The following LIN7A variants were observed in gnomAD, a reference collection of about 807,000 sequenced individuals.
LIN7A encodes the protein protein lin-7 homolog A.
LIN7A carries 25 observed loss-of-function variants against 29.8 expected under a neutral mutation model. The ratio of observed to expected loss-of-function variants is 0.84; its 90% confidence interval spans 0.61 to 1.17. LIN7A has a LOEUF of 1.17. Ranked by LOEUF, LIN7A falls within the 50% of genes most tolerant of loss-of-function variation. The pLI is 0.00. For missense variants in LIN7A, 239 were observed against 287.0 expected (o/e 0.83, Z 1.21); for synonymous variants, 118 against 107.5 (o/e 1.10, Z -0.60).
At chr12:80,927,514 T>G (rs1877669089) in intron 1 of LIN7A, among the ~76,000 whole-genome samples, 1 of 152,094 alleles carries the variant, frequency 6.6e-6, no homozygotes, top group Non-Finnish European at 1.5e-5. Context: ...CTCAACTAGA[T>G]GGGATAGAAC....
chr12:80,807,063 G>GTTTT (rs71094991), intron 5 of LIN7A, among the ~76,000 whole-genome samples: 4 of 53,592 alleles, frequency 7.5e-5, no homozygotes, highest in Admixed American at 2.2e-4. Context: ...TGAAGATGGA[G>GTTTT]TTTTTTTTTT....
intron 1 of LIN7A, among the ~76,000 whole-genome samples, chr12:80,927,538 G>A (rs577669770): frequency 1.3e-5 from 2 of 152,196 alleles, no homozygotes; most frequent in East Asian, 3.9e-4. Flanking sequence ...CTTTAAAAAG[G>A]GAATGTGGAA....
chr12:80,801,171 ATTTATTC>A, intron 5 of LIN7A, among the ~76,000 whole-genome samples: 1 of 152,306 alleles, frequency 6.6e-6, no homozygotes, highest in African/African-American at 2.4e-5. Flanking sequence ...TGAAAAGTTA[ATTTATTC>A]TTTATACTTC....
chr12:80,802,959 C>T (rs548147219), intron 5 of LIN7A, among the ~76,000 whole-genome samples: 1 of 152,258 alleles, frequency 6.6e-6, no homozygotes, highest in Non-Finnish European at 1.5e-5. Flanking sequence ...TCTATTAAGT[C>T]ATTTCCCCAT....
At position 80,845,093 on chromosome 12, in the gene LIN7A, C is replaced by G. The variant is rs962019227; in HGVS notation, c.483+637G>C. Among the ~76,000 whole-genome samples the G allele has an allele frequency of 4.0e-5, 6 of 151,880 alleles. 1 individual carries two copies. Among genetic ancestry groups the G allele is most frequent in the Middle Eastern group, 6.8e-3 (2 of 294 alleles). On this transcript the variant is annotated intron_variant, in intron 4 of 5. Coordinates refer to ENST00000552864, the MANE Select transcript of LIN7A (RefSeq NM_004664.4). The stretch of plus-strand genomic sequence containing the variant: ...CTCTACTAAAAATACAAAAATTAAC[C>G]GGGCTTGGTGGCGGGCGCCTGTAGT...
intron 1 of LIN7A, among the ~76,000 whole-genome samples, chr12:80,908,379 T>C (rs1029375003): frequency 1.3e-5 from 2 of 152,080 alleles, no homozygotes; most frequent in Admixed American, 6.6e-5. Context: ...CGAGTTATAA[T>C]AAAATTTGAT....
chr12:80,834,819 T>C (rs1302565235), intron 4 of LIN7A, among the ~76,000 whole-genome samples: 1 of 148,158 alleles, frequency 6.7e-6, no homozygotes, highest in African/African-American at 2.6e-5. Flanking sequence ...TTATGGAAAA[T>C]TATATAAACC....
chr12:80,937,288 C>G (rs1479111505), intron 1 of LIN7A: 1 of 237,508 alleles, frequency 4.2e-6, no homozygotes, highest in Non-Finnish European at 8.1e-6. Context: ...CTCTCTGCCC[C>G]TCTCCAACCC....
intron 2 of LIN7A, among the ~76,000 whole-genome samples, chr12:80,886,393 C>A (rs192499422): frequency 6.6e-6 from 1 of 152,118 alleles, no homozygotes; most frequent in East Asian, 1.9e-4. Context: ...AAGACCTTTT[C>A]ACTAGAAAGA....
intron 1 of LIN7A, among the ~76,000 whole-genome samples, chr12:80,915,957 C>A (rs1008179166): frequency 6.6e-6 from 1 of 152,014 alleles, no homozygotes; most frequent in Non-Finnish European, 1.5e-5. Flanking sequence ...TGGATTCATT[C>A]ATATTTCAAA....
intron 1 of LIN7A, among the ~76,000 whole-genome samples, chr12:80,912,721 A>AAAG (rs1336358699): frequency 1.3e-5 from 2 of 150,662 alleles, no homozygotes; most frequent in Non-Finnish European, 3.0e-5. Flanking sequence ...CTCAAAAAAA[A>AAAG]AAAAAAAAGA....
intron 4 of LIN7A, among the ~76,000 whole-genome samples, chr12:80,819,485 C>T (rs912442882): frequency 4.6e-5 from 7 of 152,158 alleles, no homozygotes; most frequent in African/African-American, 1.7e-4. Context: ...ATTCTGTTGC[C>T]ACCAGACTGT....
At chr12:80,912,833 C>A (rs1380076687) in intron 1 of LIN7A, among the ~76,000 whole-genome samples, 1 of 151,880 alleles carries the variant, frequency 6.6e-6, no homozygotes, top group African/African-American at 2.4e-5. Context: ...CAGAAAAATG[C>A]AAAAAGAAAT....
chr12:80,916,280 G>C (rs1877026966), intron 1 of LIN7A, among the ~76,000 whole-genome samples: 1 of 152,122 alleles, frequency 6.6e-6, no homozygotes, highest in South Asian at 2.1e-4. Flanking sequence ...CTGTGGCTTA[G>C]TATTTTAGAG....
intron 1 of LIN7A, among the ~76,000 whole-genome samples, chr12:80,891,946 T>C (rs531571458): frequency 6.6e-6 from 1 of 151,856 alleles, no homozygotes; most frequent in South Asian, 2.1e-4. Flanking sequence ...AGAGATGAGG[T>C]AGACAGAAAT....
intron 5 of LIN7A, among the ~76,000 whole-genome samples, chr12:80,808,786 T>C (rs896058263): frequency 1.1e-4 from 16 of 152,106 alleles, no homozygotes; most frequent in Non-Finnish European, 2.9e-5. Context: ...ATTACAGGCG[T>C]GAGCCACCAC....
intron 1 of LIN7A, among the ~76,000 whole-genome samples, chr12:80,902,217 G>GGTTTTTTTTTTTTTTTTTTT (rs1876251078): frequency 8.0e-6 from 1 of 125,644 alleles, no homozygotes; most frequent in African/African-American, 3.1e-5. Flanking sequence ...TGGTCTATGT[G>GGTTTTTTTTTTTTTTTTTTT]TTTTTTTTTT....
Position 80,916,905 on chromosome 12 carries a change from A to AC in LIN7A, c.82+20735dup, listed in dbSNP as rs1203507341. The stretch of plus-strand genomic sequence containing the variant: ...TTTATTCAACAAATATTTGATAAAA[A>AC]CCTACAATGTACCAGGCTGTGTTCT... On this transcript the variant is annotated intron_variant, in intron 1 of 5. Transcript: ENST00000552864. Among the ~76,000 whole-genome samples, 36 of 152,332 alleles carry AC rather than the reference A, an allele frequency of 2.4e-4. 1 individual carries two copies. Among genetic ancestry groups the AC allele is most frequent in the African/African-American group, 8.2e-4 (34 of 41,570 alleles).
intron 4 of LIN7A, among the ~76,000 whole-genome samples, chr12:80,815,196 T>TAATAGG (rs1871475588): frequency 6.6e-6 from 1 of 152,224 alleles, no homozygotes; most frequent in East Asian, 1.9e-4. Flanking sequence ...TAACCTATTA[T>TAATAGG]TTATCTCTGG....
Sources: gnomAD v4.1 joint callset for allele counts (sites outside exome capture counted in the v4.1 genomes callset) on GRCh38, gnomAD v4.1.1 for gene constraint, MANE v1.5 for transcripts, NCBI Gene and HGNC (gene_info 2026-07-23, HGNC 2026-07-21) for gene names.